The following TSPAN16 variants were observed in gnomAD, a reference collection of about 807,000 sequenced individuals.
TSPAN16 encodes the protein tetraspanin-16.
TSPAN16 carries 23 observed loss-of-function variants against 25.2 expected under a neutral mutation model. That is an observed-to-expected ratio of 0.91 (90% CI 0.66 to 1.29). TSPAN16 has a LOEUF of 1.29. Among genes scored for constraint, TSPAN16 ranks in the 50% most tolerant of loss-of-function variants. The pLI is 0.00. For synonymous variants in TSPAN16, 123 were observed against 124.4 expected, an observed-to-expected ratio of 0.99 and a Z score of 0.08; for missense variants, 272 against 299.9, an observed-to-expected ratio of 0.91 and a Z score of 0.69.
intron 6 of TSPAN16, chr19:11,325,194 T>G: frequency 1.9e-6 from 1 of 531,668 alleles, no homozygotes; most frequent in Non-Finnish European, 3.4e-6. Context: ...TGAGTCCCCA[T>G]GGTCCGCAGC....
chr19:11,298,998 G>A, intron 3 of TSPAN16, 52 bp downstream of exon 3: 1 of 1,582,096 alleles, frequency 6.3e-7, no homozygotes, highest in Non-Finnish European at 8.7e-7. Flanking sequence ...AAAGAACCAA[G>A]GACGGGCACA....
intron 6 of TSPAN16, chr19:11,323,929 C>G (rs2080796008): frequency 6.6e-6 from 1 of 152,176 alleles, no homozygotes. Flanking sequence ...ATCTGATGGG[C>G]AGAAAGTGCC....
downstream of TSPAN16, among the ~76,000 whole-genome samples, chr19:11,319,221 C>T (rs986731970): frequency 2.4e-4 from 36 of 152,196 alleles, no homozygotes; most frequent in Admixed American, 8.5e-4. Flanking sequence ...TCACAAGCCC[C>T]CTCCCTTTCA....
At chr19:11,302,994 C>T (rs1198606918) in intron 4 of TSPAN16, among the ~76,000 whole-genome samples, 6 of 150,558 alleles carry the variant, frequency 4.0e-5, no homozygotes, top group East Asian at 2.0e-4. Flanking sequence ...CGCCTCTGCC[C>T]GGCCGCCCCT....
chr19:11,314,628 G>A (rs2080726264), intron 6 of TSPAN16, among the ~76,000 whole-genome samples: 1 of 152,044 alleles, frequency 6.6e-6, no homozygotes. Flanking sequence ...CCCCCAGATG[G>A]TCCATTTAAG....
chr19:11,325,770 C>T (rs1239547759), intron 6 of TSPAN16, among the ~76,000 whole-genome samples: 3 of 152,096 alleles, frequency 2.0e-5, no homozygotes, highest in African/African-American at 7.2e-5. Flanking sequence ...GATGATCCTA[C>T]CAATGATAAA....
chr19:11,325,482 T>C, intron 6 of TSPAN16: 1 of 1,613,212 alleles, frequency 6.2e-7, no homozygotes, highest in Non-Finnish European at 8.5e-7. Flanking sequence ...TGGAGCTGGG[T>C]TCCAGGGACT....
chr19:11,318,557 T>G (rs1295256435), downstream of TSPAN16, among the ~76,000 whole-genome samples: 4 of 152,204 alleles, frequency 2.6e-5, no homozygotes. Flanking sequence ...CAGCTGAGCA[T>G]CAATGAACTC....
intron 6 of TSPAN16, among the ~76,000 whole-genome samples, chr19:11,315,505 C>CGG (rs1278178607): frequency 6.7e-6 from 1 of 150,168 alleles, no homozygotes; most frequent in African/African-American, 2.4e-5. Context: ...TGTAGTGAGC[C>CGG]AAGATCCGCC....
downstream of TSPAN16, among the ~76,000 whole-genome samples, chr19:11,317,343 CCTCA>C (rs2080754470): frequency 6.6e-6 from 1 of 151,812 alleles, no homozygotes; most frequent in Non-Finnish European, 1.5e-5. Context: ...AGGGACAGGG[CCTCA>C]CTCTATCACC....
At chr19:11,303,366 G>A (rs866057607) in intron 4 of TSPAN16, among the ~76,000 whole-genome samples, 8 of 146,672 alleles carry the variant, frequency 5.5e-5, no homozygotes, top group Admixed American at 1.4e-4. Flanking sequence ...CAGCATGCTC[G>A]TTAAGAGTCG....
chr19:11,320,191 G>C (rs1003729151), downstream of TSPAN16, among the ~76,000 whole-genome samples: 6 of 143,420 alleles, frequency 4.2e-5, no homozygotes, highest in East Asian at 6.1e-4. Context: ...GCACGATCTC[G>C]GCACACCCCA....
chr19:11,311,428 C>A lies in TSPAN16; in HGVS notation c.604-711C>A, dbSNP rs138459754. ...AGATTATAGGCATGAACCACCACGC[C>A]CAGCCTATTTATTTATTTTTGAGAC... On this transcript the variant is annotated intron_variant, in intron 5 of 6. Transcript: ENST00000590327. Among the ~76,000 whole-genome samples the A allele has an allele frequency of 1.3e-3, 198 of 152,114 alleles. No individual in the cohort carries two copies. The East Asian group carries it at 0.016, about 12-fold the overall frequency.
intron 6 of TSPAN16, chr19:11,323,522 T>G (rs1177879656): frequency 6.6e-6 from 1 of 151,802 alleles, no homozygotes; most frequent in Non-Finnish European, 1.5e-5. Context: ...ACCCTGGAGG[T>G]GGAGGTTGCA....
chr19:11,326,860 T>A, exon 7 of TSPAN16: 2 of 632,472 alleles, frequency 3.2e-6, no homozygotes, highest in Non-Finnish European at 2.8e-6. Flanking sequence ...TCCCCCCGCC[T>A]AGGCCTCCCA....
chr19:11,326,026 G>A (rs997300324), intron 6 of TSPAN16, among the ~76,000 whole-genome samples: 7 of 152,146 alleles, frequency 4.6e-5, no homozygotes, highest in African/African-American at 1.2e-4. Context: ...TTCAAGACCC[G>A]CCTGACCAAC....
At chr19:11,303,360 A>G (rs2080587245) in intron 4 of TSPAN16, among the ~76,000 whole-genome samples, 1 of 146,808 alleles carries the variant, frequency 6.8e-6, no homozygotes, top group Non-Finnish European at 1.5e-5. Flanking sequence ...TGAAGGCAGC[A>G]TGCTCGTTAA....
Position 11,306,761 on chromosome 19 carries a change from C to T in TSPAN16, c.603+5C>T, listed in dbSNP as rs753654689. The T allele has an allele frequency of 1.2e-6, 2 of 1,612,858 alleles. No individual in the cohort carries two copies. Among genetic ancestry groups the T allele is most frequent in the Admixed American group, 3.3e-5 (2 of 59,906 alleles). On this transcript the variant is annotated splice_donor_5th_base_variant and intron_variant, in intron 5 of 6. Coordinates refer to ENST00000590327, the MANE Select transcript of TSPAN16 (RefSeq NM_001282509.2). Reference sequence around the variant, plus strand: ...CCAAACGTCATCCACCAGAAGGTAACTGGAGATTTTGTGTGTTGCCTTGAC... The same window carrying T: ...CCAAACGTCATCCACCAGAAGGTAATTGGAGATTTTGTGTGTTGCCTTGAC...
downstream of TSPAN16, among the ~76,000 whole-genome samples, chr19:11,316,344 T>C (rs1285467553): frequency 6.6e-6 from 1 of 152,072 alleles, no homozygotes; most frequent in Non-Finnish European, 1.5e-5. Context: ...GGTCTTGAAC[T>C]CCTGAGTTCA....
Sources: allele counts gnomAD v4.1 joint callset (sites outside exome capture counted in the v4.1 genomes callset), GRCh38; gene constraint gnomAD v4.1.1; transcripts MANE v1.5; gene names NCBI Gene and HGNC (gene_info 2026-07-23, HGNC 2026-07-21).